Variants in NEK10 observed in about 807,000 individuals in gnomAD.
The protein encoded by NEK10 is serine/threonine-protein kinase Nek10.
NEK10 carries 122 observed loss-of-function variants against 159.8 expected under a neutral mutation model. That is an observed-to-expected ratio of 0.76 (90% CI 0.66 to 0.89). The LOEUF (loss-of-function observed/expected upper bound fraction) is 0.89. Among genes scored for constraint, NEK10 ranks in the 40% least tolerant of loss-of-function variants. The pLI is 0.00. For missense variants in NEK10, 1,342 were observed against 1,323.1 expected (o/e 1.01, Z -0.22); for synonymous variants, 466 against 457.1 (o/e 1.02, Z -0.25).
intron 30 of NEK10, among the ~76,000 whole-genome samples, chr3:27,161,904 C>T (rs1036803503): frequency 3.9e-5 from 6 of 151,936 alleles, no homozygotes; most frequent in African/African-American, 1.2e-4. Context: ...ACTCAGGAGG[C>T]TGAGGCAGGA....
chr3:27,284,685 T>C lies in NEK10; in HGVS notation c.1931A>G (p.Tyr644Cys). Residue 644 changes from tyrosine to cysteine, a missense_variant, in exon 22 of 36, where the codon TAC (tyrosine) becomes TGC (cysteine). Coordinates refer to ENST00000691995, the MANE Select transcript of NEK10 (RefSeq NM_001394966.1). ...GACAATCCTCTTCTCCTTGTGTAAG[T>C]ATCGAAGAGCTAAGCACAGCTTGAA... The part of the protein sequence containing the change: ...IFIQLCLALR[Y>C]LHKEKRIVHR... The C allele has an allele frequency of 6.2e-7, 1 of 1,608,860 alleles. No homozygotes were observed. Among genetic ancestry groups the C allele is most frequent in the Non-Finnish European group, 8.5e-7 (1 of 1,175,268 alleles).
At chr3:27,170,037 A>G (rs1425455650) in intron 29 of NEK10, among the ~76,000 whole-genome samples, 1 of 152,166 alleles carries the variant, frequency 6.6e-6, no homozygotes, top group East Asian at 1.9e-4. Context: ...ACTGGCTCCT[A>G]TGCCTTCCCA....
At chr3:27,365,613 T>TG (rs2049014947) in intron 1 of NEK10, among the ~76,000 whole-genome samples, 2 of 55,794 alleles carry the variant, frequency 3.6e-5, no homozygotes, top group Non-Finnish European at 4.7e-5. Flanking sequence ...TTTTTGTGTT[T>TG]TTTTTTTTTT....
intron 29 of NEK10, among the ~76,000 whole-genome samples, chr3:27,170,465 C>T (rs1054119464): frequency 3.3e-5 from 5 of 152,166 alleles, no homozygotes; most frequent in East Asian, 1.9e-4. Context: ...GGCACAGTGG[C>T]GAATGCCTGT....
At chr3:27,184,651 A>C (rs79479355) in intron 26 of NEK10, among the ~76,000 whole-genome samples, 6,335 of 152,300 alleles carry the variant, frequency 0.042, 223 homozygotes, top group African/African-American at 0.095. Flanking sequence ...TTCATATAAC[A>C]TAATGAGCAT....
chr3:27,134,328 T>A (rs1383208761), intron 31 of NEK10, among the ~76,000 whole-genome samples: 2 of 152,154 alleles, frequency 1.3e-5, no homozygotes, highest in African/African-American at 2.4e-5. Flanking sequence ...AATTCCCTTT[T>A]GTAATGCACC....
At chr3:27,143,575 A>T in intron 30 of NEK10, 1 of 609,532 alleles carries the variant, frequency 1.6e-6, no homozygotes, top group African/African-American at 1.8e-5. Flanking sequence ...AGACCCTTTG[A>T]CCACTACCCT....
At chr3:27,284,245 C>T (rs1305652381) in intron 22 of NEK10, among the ~76,000 whole-genome samples, 1 of 152,004 alleles carries the variant, frequency 6.6e-6, no homozygotes, top group African/African-American at 2.4e-5. Context: ...ATTAGGTGGG[C>T]ATGGTGGCGG....
rs563465023 is a variant in NEK10, at chr3:27,309,187, C to G, written c.637-182G>C. The G allele has an allele frequency of 2.4e-4, 92 of 380,242 alleles. 1 individual carries two copies. The highest frequency in any genetic ancestry group is 3.6e-4 in the Non-Finnish European group (75 of 209,272). The allele number at this position is 380,242 out of a possible 1,614,324, so 23.6% of individuals were successfully genotyped here. ...GTAGTTTATAATGTATGTGCATATA[C>G]AATTAAGCACAAACTATATATAATG... is the stretch of plus-strand genomic sequence containing the variant. On this transcript the variant is annotated intron_variant, in intron 9 of 35. Coordinates refer to ENST00000691995, the MANE Select transcript of NEK10 (RefSeq NM_001394966.1).
At chr3:27,167,464 T>C (rs942532835) in intron 29 of NEK10, among the ~76,000 whole-genome samples, 1 of 152,334 alleles carries the variant, frequency 6.6e-6, no homozygotes, top group East Asian at 1.9e-4. Flanking sequence ...TAAATTTTAC[T>C]AGGACCTGAG....
intron 30 of NEK10, among the ~76,000 whole-genome samples, chr3:27,158,362 T>G (rs1945702838): frequency 6.6e-6 from 1 of 152,182 alleles, no homozygotes; most frequent in Non-Finnish European, 1.5e-5. Flanking sequence ...CTTTGGCAAT[T>G]GTGAAGATGA....
intron 30 of NEK10, among the ~76,000 whole-genome samples, chr3:27,161,780 G>A (rs13083746): frequency 0.026 from 4,024 of 152,108 alleles, 91 homozygotes; most frequent in South Asian, 0.047. Context: ...AATCGTGGGC[G>A]GATCACCTGA....
At chr3:27,248,359 C>T (rs183532769) in intron 23 of NEK10, among the ~76,000 whole-genome samples, 243 of 151,998 alleles carry the variant, frequency 1.6e-3, no homozygotes, top group African/African-American at 5.4e-3. Context: ...ATTTCCATTG[C>T]TTTTATATCT....
chr3:27,317,888 C>G (rs2045329642), intron 6 of NEK10, among the ~76,000 whole-genome samples: 1 of 152,074 alleles, frequency 6.6e-6, no homozygotes, highest in African/African-American at 2.4e-5. Context: ...CTGCAAGCTC[C>G]GCCTCCCGGG....
intron 11 of NEK10, among the ~76,000 whole-genome samples, chr3:27,306,062 C>A (rs2044220511): frequency 6.6e-6 from 1 of 152,134 alleles, no homozygotes; most frequent in Admixed American, 6.6e-5. Context: ...CAGGTCTATT[C>A]TTCACCTTAT....
intron 3 of NEK10, among the ~76,000 whole-genome samples, chr3:27,351,797 A>C (rs2149819723): frequency 6.6e-6 from 1 of 152,120 alleles, no homozygotes; most frequent in South Asian, 2.1e-4. Flanking sequence ...TTAAGGTGCT[A>C]AATAAGTGTC....
At position 27,255,352 on chromosome 3, in the gene NEK10, G is replaced by A. The variant is rs116026297; in HGVS notation, c.2090+944C>T. ...ACATATCCAGTAAGATAAATGAAAA[G>A]TCACCCTCTTAAAACATTATTCTGA... On this transcript the variant is annotated intron_variant, in intron 23 of 35. Transcript: ENST00000691995. The A allele has an allele frequency of 6.6e-3, 2,638 of 401,856 alleles. 12 individuals carry two copies. The highest frequency in any genetic ancestry group is 0.01 in the Admixed American group (338 of 33,784). 24.9% of individuals were successfully genotyped at this position (401,856 alleles called of 1,614,324 possible). A position where few individuals can be genotyped will look rare whatever the true frequency, so the allele number is the denominator to read the frequency against.
At position 27,352,384 on chromosome 3, in the gene NEK10, T is replaced by A. The variant is rs1429606025; in HGVS notation, c.132+81A>T. On this transcript the variant is annotated intron_variant, in intron 3 of 35. Transcript: ENST00000691995. ...GAGCAAAGAAAAGCAGACATATCAT[T>A]CATAGATATGTTAAATGGAGCCCTT... The A allele has an allele frequency of 3.4e-6, 3 of 879,788 alleles. No homozygotes were observed. The African/African-American group carries it at 5.0e-5, about 15-fold the overall frequency. 54.5% of individuals were successfully genotyped at this position (879,788 alleles called of 1,614,324 possible).
At chr3:27,236,771 A>G (rs1953961341) in intron 23 of NEK10, among the ~76,000 whole-genome samples, 3 of 152,290 alleles carry the variant, frequency 2.0e-5, no homozygotes, top group Middle Eastern at 3.4e-3. Context: ...TCACAAGGCA[A>G]AGGGCAAAAT....
Sources: allele counts gnomAD v4.1 joint callset (sites outside exome capture counted in the v4.1 genomes callset), GRCh38; gene constraint gnomAD v4.1.1; transcripts MANE v1.5; gene names NCBI Gene and HGNC (gene_info 2026-07-23, HGNC 2026-07-21).